PHF14: variants seen among roughly 807,000 people sequenced by gnomAD.
The protein encoded by PHF14 is PHD finger protein 14.
PHF14 carries 55 observed loss-of-function variants against 117.9 expected under a neutral mutation model. That is an observed-to-expected ratio of 0.47 (90% confidence interval 0.38 to 0.58). The LOEUF (loss-of-function observed/expected upper bound fraction) is 0.58, where lower values mean the gene tolerates loss of function less well. Among genes scored for constraint, PHF14 ranks in the 20% least tolerant of loss-of-function variants. PHF14 has a pLI of 0.00. For synonymous variants in PHF14, 409 were observed against 368.6 expected (o/e 1.11, Z -1.26); for missense variants, 978 against 1,122.2 (o/e 0.87, Z 1.84).
intron 16 of PHF14, among the ~76,000 whole-genome samples, chr7:11,081,190 A>C (rs1456740520): frequency 2.6e-5 from 4 of 152,228 alleles, no homozygotes; most frequent in Non-Finnish European, 5.9e-5. Context: ...GCACAGAGAA[A>C]GTTAAAATCC....
At chr7:11,124,376 A>G (rs867532089) in intron 17 of PHF14, among the ~76,000 whole-genome samples, 7 of 152,154 alleles carry the variant, frequency 4.6e-5, no homozygotes, top group Middle Eastern at 3.2e-3. Context: ...CTCTTACATA[A>G]TCTATTTTTA....
At chr7:11,156,493 G>A (rs76487214) in intron 17 of PHF14, among the ~76,000 whole-genome samples, 2,801 of 152,198 alleles carry the variant, frequency 0.018, 36 homozygotes, top group Middle Eastern at 0.048. Context: ...TGGTAGTAAA[G>A]TTTTAGAAAT....
chr7:11,092,208 T>A (rs571363733), intron 16 of PHF14, among the ~76,000 whole-genome samples: 2 of 152,382 alleles, frequency 1.3e-5, no homozygotes, highest in African/African-American at 4.8e-5. Context: ...TTGCTTCTAT[T>A]CCTTTTTCTT....
rs537398611 is a variant in PHF14, at chr7:11,122,941, A to G, written c.2772+11474A>G. On this transcript the variant is annotated intron_variant, in intron 17 of 17. Transcript: ENST00000634607. Reference sequence around the variant, plus strand: ...GCTGTAAATTCAGTTTGTCAAAATCAAGAATCTTCCTCTATTATTCTGTGT... The same window carrying G: ...GCTGTAAATTCAGTTTGTCAAAATCGAGAATCTTCCTCTATTATTCTGTGT... 3.9e-5 allele frequency among the ~76,000 whole-genome samples: 6 copies of G among 152,320 alleles called. No individual in the cohort carries two copies. In the South Asian group the frequency reaches 1.2e-3, roughly 32 times the overall value.
At chr7:11,134,041 A>G (rs898728219) in intron 17 of PHF14, among the ~76,000 whole-genome samples, 4 of 152,040 alleles carry the variant, frequency 2.6e-5, no homozygotes, top group Admixed American at 2.0e-4. Context: ...ATCGTTTATC[A>G]AAGACTATCC....
intron 16 of PHF14, among the ~76,000 whole-genome samples, chr7:11,095,864 C>G (rs1786833722): frequency 1.3e-5 from 2 of 151,792 alleles, no homozygotes; most frequent in Non-Finnish European, 2.9e-5. Flanking sequence ...TTACCCTACT[C>G]TCATCACCAT....
At chr7:11,080,794 G>A (rs1342788358) in intron 16 of PHF14, among the ~76,000 whole-genome samples, 2 of 152,140 alleles carry the variant, frequency 1.3e-5, no homozygotes, top group Middle Eastern at 3.2e-3. Context: ...GCCCTAATGA[G>A]CAAATGCATT....
At chr7:11,104,199 A>G (rs920622020) in intron 16 of PHF14, 4 of 981,792 alleles carry the variant, frequency 4.1e-6, no homozygotes, top group African/African-American at 3.5e-5. Flanking sequence ...TTATAATACT[A>G]TATTATCATC....
rs1281665109 is a variant in PHF14, at chr7:11,114,447, A to T, written c.2772+2980A>T. Among the ~76,000 whole-genome samples, 4 of 152,062 alleles carry T rather than the reference A, an allele frequency of 2.6e-5. No homozygotes were observed. In the East Asian group the frequency reaches 7.7e-4, roughly 29 times the overall value. On this transcript the variant is annotated intron_variant, in intron 17 of 17. Transcript: ENST00000634607. ...ATCTTTACCCCTGTCTATTACTTTT[A>T]TAGAAATTCCGTAAGTCTAATAAGA...
At chr7:11,129,904 G>A (rs1788045525) in intron 17 of PHF14, among the ~76,000 whole-genome samples, 1 of 151,878 alleles carries the variant, frequency 6.6e-6, no homozygotes, top group East Asian at 1.9e-4. Flanking sequence ...TCAGCACCAA[G>A]CAAAAAGAGA....
At position 11,122,352 on chromosome 7, in the gene PHF14, T is replaced by TATATACAC; in HGVS notation, c.2772+10886_2772+10887insTATACACA. On this transcript the variant is annotated intron_variant, in intron 17 of 17. Coordinates refer to ENST00000634607, the MANE Select transcript of PHF14 (RefSeq NM_001007157.2). ...CTTTTTATATATATATATATATATA[T>TATATACAC]ACACACACACACACACACACACACA... Among the ~76,000 whole-genome samples, 272 of 65,860 alleles carry TATATACAC rather than the reference T, an allele frequency of 4.1e-3. 7 individuals carry two copies. Among genetic ancestry groups the TATATACAC allele is most frequent in the African/African-American group, 0.018 (253 of 13,736 alleles). The allele number at this position is 65,860 out of a possible 152,430, so 43.2% of individuals were successfully genotyped here.
chr7:11,051,674 C>G lies in PHF14; in HGVS notation c.2375C>G (p.Thr792Ser), dbSNP rs763742869. The G allele has an allele frequency of 6.8e-6, 11 of 1,613,570 alleles. No individual in the cohort carries two copies. The highest frequency in any genetic ancestry group is 8.5e-7 in the Non-Finnish European group (1 of 1,179,686). The part of the protein sequence containing the change: ...SDMEADMAME[T>S]LPDGTKRSRR... ...ATGGAAGCAGATATGGCCATGGAAA[C>G]CCTACCAGATGGAACCAAACGATCA... The change falls in exon 14 of 18, where the codon ACC (threonine) becomes AGC (serine). Residue 792 changes from threonine (T) to serine (S), a missense_variant. Coordinates refer to ENST00000634607, the MANE Select transcript of PHF14 (RefSeq NM_001007157.2).
At chr7:11,150,332 A>G (rs562593198) in intron 17 of PHF14, among the ~76,000 whole-genome samples, 12 of 152,292 alleles carry the variant, frequency 7.9e-5, no homozygotes, top group African/African-American at 2.9e-4. Flanking sequence ...CTAAAGAAAC[A>G]TGAAGGTTTC....
At chr7:10,974,398 GGCAGGGGTGGGAGAGTCCTGCGGGAAA>G in intron 1 of PHF14, 74 bp downstream of exon 1, 1 of 1,282,000 alleles carries the variant, frequency 7.8e-7, no homozygotes, top group Non-Finnish European at 1.1e-6. Context: ...GTGGGAGCAG[GGCAGGGGTGGGAGAGTCCTGCGGGAAA>G]GCAGGATTGG....
chr7:11,125,878 G>C (rs1181960028), intron 17 of PHF14, among the ~76,000 whole-genome samples: 1 of 151,928 alleles, frequency 6.6e-6, no homozygotes, highest in Non-Finnish European at 1.5e-5. Context: ...TTTGTTAAGG[G>C]TACCTTCAAT....
At chr7:11,005,651 G>T (rs1783055931) in intron 4 of PHF14, among the ~76,000 whole-genome samples, 2 of 152,018 alleles carry the variant, frequency 1.3e-5, no homozygotes, top group South Asian at 2.1e-4. Flanking sequence ...TCTTTTTAAT[G>T]ATACATAGAA....
chr7:11,015,666 C>A (rs1463075695), intron 5 of PHF14, among the ~76,000 whole-genome samples: 1 of 151,956 alleles, frequency 6.6e-6, no homozygotes, highest in Admixed American at 6.6e-5. Context: ...TGAGATGATC[C>A]ATGAGAAACA....
At position 11,028,273 on chromosome 7, in the gene PHF14, C is replaced by T. The variant is rs535529775; in HGVS notation, c.1318-408C>T. On this transcript the variant is annotated intron_variant, in intron 6 of 17. Transcript: ENST00000634607. ...TACTGAAAGTGGAAAACAGAATGGT[C>T]GTATGGGTACTGAAAGTGTGGATTC... Among the ~76,000 whole-genome samples the T allele has an allele frequency of 3.9e-5, 6 of 152,100 alleles. No individual in the cohort carries two copies. In the East Asian group the frequency reaches 7.8e-4, roughly 20 times the overall value.
At chr7:11,159,352 T>C (rs1014768432) in intron 17 of PHF14, among the ~76,000 whole-genome samples, 1 of 152,046 alleles carries the variant, frequency 6.6e-6, no homozygotes, top group Non-Finnish European at 1.5e-5. Flanking sequence ...TGTGCTATGG[T>C]TTGCCTAGAA....
Sources: allele counts gnomAD v4.1 joint callset (sites outside exome capture counted in the v4.1 genomes callset), GRCh38; gene constraint gnomAD v4.1.1; transcripts MANE v1.5; gene names NCBI Gene and HGNC (gene_info 2026-07-23, HGNC 2026-07-21).